TECR: variants seen among roughly 807,000 people sequenced by gnomAD.
TECR encodes the protein very-long-chain enoyl-CoA reductase.
In TECR, 19 loss-of-function variants were observed where a neutral mutation model predicts 50.6. The observed-to-expected ratio is 0.38, with a 90% CI of 0.26 to 0.55. TECR has a LOEUF of 0.55. TECR is among the 20% of genes least tolerant of loss of function. The pLI, the probability that TECR is intolerant of heterozygous loss-of-function variation, is 0.79. For synonymous variants in TECR, 168 were observed against 163.5 expected, an observed-to-expected ratio of 1.03 and a Z score of -0.21; for missense variants, 313 against 408.3, an observed-to-expected ratio of 0.77 and a Z score of 2.01.
rs1022190739 is a variant in TECR, at chr19:14,529,715, A to G, written c.15+4A>G. On this transcript the variant is annotated splice_donor_region_variant and intron_variant, in intron 1 of 12. Coordinates refer to ENST00000215567, the MANE Select transcript of TECR (RefSeq NM_138501.6). ...GGGAGCCATGAAGCATTACGAGGTA[A>G]GAAGCGAGAAACAGGGGCCGTGTGG... 5.0e-6 allele frequency: 8 copies of G among 1,614,014 alleles called. No homozygotes were observed. In the African/African-American group the frequency reaches 8.0e-5, roughly 16 times the overall value.
intron 1 of TECR, among the ~76,000 whole-genome samples, chr19:14,542,993 T>C (rs1409196854): frequency 1.3e-5 from 2 of 151,468 alleles, no homozygotes; most frequent in Non-Finnish European, 2.9e-5. Flanking sequence ...CAAATTCTTT[T>C]TTTTTTTTTT....
intron 1 of TECR, among the ~76,000 whole-genome samples, chr19:14,548,998 A>T (rs1599456392): frequency 6.8e-6 from 1 of 148,102 alleles, no homozygotes; most frequent in East Asian, 1.9e-4. Context: ...TTCACATATC[A>T]TGAAATAGGT....
intron 1 of TECR, chr19:14,534,033 C>G (rs982943726): frequency 6.6e-6 from 1 of 152,284 alleles, no homozygotes; most frequent in African/African-American, 2.4e-5. Flanking sequence ...TGTCTTCAGC[C>G]TCCAGCAGTC....
At chr19:14,537,227 G>T (rs1450137850) in intron 1 of TECR, among the ~76,000 whole-genome samples, 1 of 118,924 alleles carries the variant, frequency 8.4e-6, no homozygotes, top group African/African-American at 3.2e-5. Context: ...AGGAGGCGGG[G>T]CAAGAAGGAA....
At position 14,564,004 on chromosome 19, in the gene TECR, GGCCCCTTTTCAT is replaced by G; in HGVS notation, c.291_302del (p.Pro98_Ile101del). On this transcript the variant is annotated inframe_deletion, in exon 6 of 13. Coordinates refer to ENST00000215567, the MANE Select transcript of TECR (RefSeq NM_138501.6). ...CAGGTCTTCCTAACAGAGTACGCGG[GGCCCCTTTTCAT>G]CTACCTGCTCTTCTACTTCCGAGTG... is the stretch of plus-strand genomic sequence containing the variant. 1.2e-6 allele frequency: 2 copies of G among 1,613,994 alleles called. No individual in the cohort carries two copies. The highest frequency in any genetic ancestry group is 1.7e-6 in the Non-Finnish European group (2 of 1,179,948).
chr19:14,547,905 G>T (rs1386838541), intron 1 of TECR, among the ~76,000 whole-genome samples: 2 of 150,232 alleles, frequency 1.3e-5, no homozygotes, highest in Non-Finnish European at 3.0e-5. Flanking sequence ...TGGACTCTGG[G>T]CCTCGAGGGA....
chr19:14,563,662 G>A lies in TECR; in HGVS notation c.123G>A (p.Pro41=), dbSNP rs113736764. 6 of 1,611,638 alleles carry A rather than the reference G, an allele frequency of 3.7e-6. No homozygotes were observed. Among genetic ancestry groups the A allele is most frequent in the African/African-American group, 2.7e-5 (2 of 74,946 alleles). The change falls in exon 4 of 13, where the codon CCG becomes CCA. Residue 41 remains proline, a synonymous_variant. Coordinates refer to ENST00000215567, the MANE Select transcript of TECR (RefSeq NM_138501.6). This position sits in a 1 kb window ranked among gnomAD's most constrained non-coding sequence, Gnocchi z 5.3. ...ACTGCCCTGTTCTCCCCGCAGATCCGCAGTGGTACCCCGCCCGCCAGTCCC... is the reference window on the plus strand; with the variant it reads ...ACTGCCCTGTTCTCCCCGCAGATCCACAGTGGTACCCCGCCCGCCAGTCCC... ...EIKNLFTKTH[P]QWYPARQSLR...
At chr19:14,546,102 C>T (rs910197610) in intron 1 of TECR, among the ~76,000 whole-genome samples, 1 of 152,152 alleles carries the variant, frequency 6.6e-6, no homozygotes, top group African/African-American at 2.4e-5. Flanking sequence ...TAGCTCGTCC[C>T]TGGGGACCAA....
intron 1 of TECR, among the ~76,000 whole-genome samples, chr19:14,547,172 A>G (rs1357551710): frequency 3.3e-5 from 5 of 152,172 alleles, no homozygotes; most frequent in Admixed American, 2.0e-4. Flanking sequence ...TAAAGGGATA[A>G]TGGTAGGTTT....
At chr19:14,562,121 G>A in intron 1 of TECR, 1 of 532,984 alleles carries the variant, frequency 1.9e-6, no homozygotes, top group Non-Finnish European at 3.4e-6. Context: ...CCTCAGAGAA[G>A]GTCTGTGGCA....
intron 1 of TECR, among the ~76,000 whole-genome samples, chr19:14,543,833 G>A (rs374456465): frequency 1.6e-4 from 25 of 151,766 alleles, no homozygotes; most frequent in African/African-American, 6.0e-4. Context: ...CTGCCTCCCA[G>A]GTTCAAGCAA....
At chr19:14,541,046 G>T (rs1248331760) in intron 1 of TECR, among the ~76,000 whole-genome samples, 5 of 152,106 alleles carry the variant, frequency 3.3e-5, no homozygotes, top group Non-Finnish European at 7.4e-5. Flanking sequence ...GGCTGATCTC[G>T]AACTCCTGAG....
At chr19:14,562,195 A>G (rs1189464187) in intron 1 of TECR, 1 of 596,810 alleles carries the variant, frequency 1.7e-6, no homozygotes, top group Non-Finnish European at 3.0e-6. Flanking sequence ...TGTGGTTGCC[A>G]CTCGGGTTAC....
At chr19:14,542,376 T>TTTTTTTTTTTC (rs1762683142) in intron 1 of TECR, among the ~76,000 whole-genome samples, 1 of 110,124 alleles carries the variant, frequency 9.1e-6, no homozygotes, top group African/African-American at 3.6e-5. Context: ...TTTTTTTTTT[T>TTTTTTTTTTTC]CTGAGATGGA....
rs766457201 is a variant in TECR at position 14,563,117 on chromosome 19, C to T, written c.67-89C>T. On this transcript the variant is annotated intron_variant, in intron 2 of 12. Coordinates refer to ENST00000215567, the MANE Select transcript of TECR (RefSeq NM_138501.6). This position sits in a 1 kb window ranked among gnomAD's most constrained non-coding sequence, Gnocchi z 5.3. ...CCCCCTTCCCATAGCTACAGCCCAA[C>T]CCCCAGCCTGCCATCCCCTTTAGTA... The T allele has an allele frequency of 2.8e-5, 44 of 1,563,602 alleles. No individual in the cohort carries two copies. The highest frequency in any genetic ancestry group is 3.7e-5 in the Non-Finnish European group (42 of 1,139,726).
At chr19:14,539,009 C>T (rs1226760847) in intron 1 of TECR, among the ~76,000 whole-genome samples, 4 of 149,596 alleles carry the variant, frequency 2.7e-5, no homozygotes, top group East Asian at 4.0e-4. Context: ...AGTCTCGCTC[C>T]GTCACCCAGG....
In TECR at chr19:14,562,731, C is replaced by T. The variant is rs576548262; in HGVS notation, c.66+156C>T. ...TTGGGGTAGGGTGGATAGCCATGTC[C>T]CCTGGGTGTGGCGGGGAAATGGAGG... On this transcript the variant is annotated intron_variant, in intron 2 of 12. Transcript: ENST00000215567. 9.2e-5 allele frequency among the ~76,000 whole-genome samples: 14 copies of T among 152,210 alleles called. No homozygotes were observed. The East Asian group carries it at 9.7e-4, about 11-fold the overall frequency.
chr19:14,541,878 G>A (rs1009645826), intron 1 of TECR, among the ~76,000 whole-genome samples: 2 of 151,880 alleles, frequency 1.3e-5, no homozygotes, highest in Admixed American at 1.3e-4. Context: ...CGCCTCCTGG[G>A]TTCAAGCGAT....
chr19:14,552,573 GC>G (rs1652829636), intron 1 of TECR, among the ~76,000 whole-genome samples: 1 of 144,752 alleles, frequency 6.9e-6, no homozygotes, highest in South Asian at 2.3e-4. Context: ...TCGTTCTGTC[GC>G]CCAGGCTGGA....
Sources: gnomAD v4.1 joint callset for allele counts (sites outside exome capture counted in the v4.1 genomes callset) on GRCh38, gnomAD v4.1.1 for gene constraint, Gnocchi (gnomAD v3.1) non-coding constraint, MANE v1.5 for transcripts, NCBI Gene and HGNC (gene_info 2026-07-23, HGNC 2026-07-21) for gene names.